The following LRP1B variants were observed in gnomAD, a reference collection of about 807,000 sequenced individuals.
LRP1B encodes the protein low-density lipoprotein receptor-related protein 1B.
Under a neutral mutation model 556.6 loss-of-function variants are expected in LRP1B, and 217 were observed. The observed-to-expected ratio is 0.39, with a 90% confidence interval of 0.35 to 0.44. The LOEUF is 0.44. LRP1B is among the 20% of genes least tolerant of loss of function. LRP1B has a pLI of 1.00. For synonymous variants in LRP1B, 2,047 were observed against 1,865.8 expected (o/e 1.10, Z -2.50); for missense variants, 5,053 against 5,620.8 (o/e 0.90, Z 3.23).
intron 1 of LRP1B, among the ~76,000 whole-genome samples, chr2:142,059,187 T>C (rs1704798757): frequency 6.6e-6 from 1 of 152,092 alleles, no homozygotes; most frequent in Non-Finnish European, 1.5e-5. Context: ...AAGGTTTCTT[T>C]TGGGGATGAT....
chr2:140,924,977 A>C (rs1212951965), intron 20 of LRP1B, among the ~76,000 whole-genome samples: 4 of 152,150 alleles, frequency 2.6e-5, no homozygotes, highest in Non-Finnish European at 5.9e-5. Flanking sequence ...ATATCTGGAA[A>C]AAGAAAACAA....
At chr2:140,602,643 G>C (rs1050958107) in intron 41 of LRP1B, among the ~76,000 whole-genome samples, 2 of 151,896 alleles carry the variant, frequency 1.3e-5, no homozygotes, top group African/African-American at 4.8e-5. Context: ...GCTGTTTCCA[G>C]GTTTAAGATG....
Position 140,868,277 on chromosome 2 carries a change from A to AAG in LRP1B, c.4170-15_4170-14insCT, listed in dbSNP as rs1693016042. ...CAGAAAAGAATTCTAAAAAAAAAAA[A>AAG]AAAAAAAGAAATAATACTATTGTTT... On this transcript the variant is annotated splice_polypyrimidine_tract_variant and intron_variant, in intron 25 of 90. Transcript: ENST00000389484. 6.4e-7 allele frequency: 1 copy of AAG among 1,556,262 alleles called. No individual in the cohort carries two copies. The highest frequency in any genetic ancestry group is 2.3e-5 in the East Asian group (1 of 43,340).
chr2:140,544,573 A>G (rs1362535072), intron 43 of LRP1B, among the ~76,000 whole-genome samples: 1 of 152,056 alleles, frequency 6.6e-6, no homozygotes, highest in Non-Finnish European at 1.5e-5. Flanking sequence ...AACATGTGAT[A>G]ATTGGTTTTC....
chr2:141,444,026 A>G (rs559755659), intron 3 of LRP1B, among the ~76,000 whole-genome samples: 73 of 152,236 alleles, frequency 4.8e-4, no homozygotes, highest in Non-Finnish European at 7.5e-4. Flanking sequence ...TTTGGGCAGT[A>G]TGGCCATTTT....
intron 1 of LRP1B, among the ~76,000 whole-genome samples, chr2:142,009,348 G>A (rs547549044): frequency 3.3e-5 from 5 of 151,948 alleles, no homozygotes; most frequent in South Asian, 2.1e-4. Context: ...ATATACAACC[G>A]AGATGTCCTT....
chr2:140,629,992 A>G (rs1683821166), intron 41 of LRP1B, among the ~76,000 whole-genome samples: 2 of 152,256 alleles, frequency 1.3e-5, no homozygotes, highest in African/African-American at 4.8e-5. Flanking sequence ...AGCAAATGCG[A>G]GAAGCAAGCT....
intron 2 of LRP1B, among the ~76,000 whole-genome samples, chr2:141,577,997 A>G (rs746265298): frequency 1.3e-5 from 2 of 152,200 alleles, no homozygotes; most frequent in African/African-American, 2.4e-5. Flanking sequence ...TGTCTGTCCA[A>G]TTGTAAAGCC....
At chr2:140,338,089 A>T (rs930686061) in intron 77 of LRP1B, among the ~76,000 whole-genome samples, 1 of 151,704 alleles carries the variant, frequency 6.6e-6, no homozygotes, top group Non-Finnish European at 1.5e-5. Flanking sequence ...CTTACTTTTC[A>T]TGATAAGTAC....
intron 2 of LRP1B, among the ~76,000 whole-genome samples, chr2:141,690,440 T>TATATATATAA (rs1558806640): frequency 4.5e-5 from 6 of 132,798 alleles, no homozygotes; most frequent in African/African-American, 1.4e-4. Context: ...TATATATATA[T>TATATATATAA]AATTACAAAT....
chr2:140,995,982 T>G (rs113060230), intron 15 of LRP1B, among the ~76,000 whole-genome samples: 4,017 of 152,030 alleles, frequency 0.026, 77 homozygotes, highest in South Asian at 0.035. Flanking sequence ...GAGGGGGGCA[T>G]GTCAAGGAGA....
chr2:141,589,747 G>A (rs2105292289), intron 2 of LRP1B, among the ~76,000 whole-genome samples: 1 of 152,210 alleles, frequency 6.6e-6, no homozygotes, highest in South Asian at 2.1e-4. Flanking sequence ...ACAATCATGA[G>A]GTTGTCATAT....
intron 35 of LRP1B, among the ~76,000 whole-genome samples, chr2:140,759,244 G>C (rs1442337769): frequency 1.3e-5 from 2 of 152,068 alleles, no homozygotes; most frequent in African/African-American, 4.8e-5. Context: ...TAGTCAAAAA[G>C]CTGGCACAGA....
At position 141,372,136 on chromosome 2, in the gene LRP1B, TGTG is replaced by T; in HGVS notation, c.343+108257_343+108259del. Among the ~76,000 whole-genome samples the T allele has an allele frequency of 2.6e-5, 4 of 152,252 alleles. 1 individual carries two copies. Among genetic ancestry groups the T allele is most frequent in the Middle Eastern group, 3.4e-3 (1 of 294 alleles). On this transcript the variant is annotated intron_variant, in intron 3 of 90. Transcript: ENST00000389484. Reference sequence around the variant, plus strand: ...TCAGATGATCATATAGTTTTTTTCATGTGATTTTGAACAGATTAACATGTTTCT... The same window carrying T: ...TCAGATGATCATATAGTTTTTTTCATATTTTGAACAGATTAACATGTTTCT...
chr2:141,634,722 T>A (rs999779889), intron 2 of LRP1B, among the ~76,000 whole-genome samples: 1 of 152,016 alleles, frequency 6.6e-6, no homozygotes, highest in Non-Finnish European at 1.5e-5. Context: ...TATATTTGTA[T>A]GAAATTCTTA....
intron 7 of LRP1B, among the ~76,000 whole-genome samples, chr2:141,134,804 T>A (rs1701450362): frequency 6.6e-6 from 1 of 151,794 alleles, no homozygotes; most frequent in Admixed American, 6.6e-5. Context: ...GTACATGATT[T>A]CATAGTCACA....
intron 41 of LRP1B, among the ~76,000 whole-genome samples, chr2:140,691,210 G>T (rs781132507): frequency 6.6e-6 from 1 of 152,032 alleles, no homozygotes; most frequent in Non-Finnish European, 1.5e-5. Context: ...GGTGGCTCAC[G>T]CCTGTAATAC....
At chr2:140,640,042 G>C (rs1684220903) in intron 41 of LRP1B, among the ~76,000 whole-genome samples, 1 of 151,926 alleles carries the variant, frequency 6.6e-6, no homozygotes, top group Non-Finnish European at 1.5e-5. Context: ...TTGCTCTGTC[G>C]CCCAGGCTGG....
intron 6 of LRP1B, among the ~76,000 whole-genome samples, chr2:141,221,208 A>G (rs532595795): frequency 1.6e-4 from 25 of 151,990 alleles, no homozygotes; most frequent in Non-Finnish European, 2.8e-4. Context: ...ATGGAGGAAA[A>G]TTTATCAAGC....
Sources: gnomAD v4.1 joint callset for allele counts (sites outside exome capture counted in the v4.1 genomes callset) on GRCh38, gnomAD v4.1.1 for gene constraint, MANE v1.5 for transcripts, NCBI Gene and HGNC (gene_info 2026-07-23, HGNC 2026-07-21) for gene names.